The following MCF2L variants were observed in gnomAD, a reference collection of about 807,000 sequenced individuals.
The protein encoded by MCF2L is MCF.2 cell line derived transforming sequence like.
A neutral mutation model predicts 153.4 loss-of-function variants in MCF2L; 97 were observed. That is an observed-to-expected ratio of 0.63 (90% CI 0.54 to 0.75). The LOEUF (loss-of-function observed/expected upper bound fraction) is 0.75. Among genes scored for constraint, MCF2L ranks in the 30% least tolerant of loss-of-function variants. The pLI is 0.00. For missense variants in MCF2L, 1,347 were observed against 1,495.2 expected (o/e 0.90, Z 1.64); for synonymous variants, 659 against 632.2 (o/e 1.04, Z -0.64).
intron 2 of MCF2L, among the ~76,000 whole-genome samples, chr13:113,020,011 C>G (rs112495612): frequency 3.3e-5 from 5 of 152,152 alleles, no homozygotes; most frequent in South Asian, 2.1e-4. Flanking sequence ...TGTGAAAATG[C>G]GAGCCATAAA....
intron 1 of MCF2L, among the ~76,000 whole-genome samples, chr13:112,975,856 G>A (rs543422628): frequency 6.6e-6 from 1 of 152,168 alleles, no homozygotes; most frequent in African/African-American, 2.4e-5. Context: ...AGATGCCCAC[G>A]GTCGCAGAGA....
At chr13:112,984,592 A>G (rs1371231328) in intron 1 of MCF2L, among the ~76,000 whole-genome samples, 2 of 152,208 alleles carry the variant, frequency 1.3e-5, no homozygotes, top group African/African-American at 4.8e-5. Flanking sequence ...TTTCAAACAG[A>G]ATCAGGATTC....
In MCF2L at chr13:112,985,904, G is replaced by A. The variant is rs2082619232; in HGVS notation, c.79+16446G>A. Among the ~76,000 whole-genome samples the A allele has an allele frequency of 3.9e-5, 6 of 152,180 alleles. No homozygotes were observed. In the South Asian group the frequency reaches 1.2e-3, roughly 32 times the overall value. On this transcript the variant is annotated intron_variant, in intron 1 of 29. Coordinates refer to ENST00000535094, the MANE Select transcript of MCF2L (RefSeq NM_001112732.3). The stretch of plus-strand genomic sequence containing the variant: ...CCTTGACCATGGGACACCCGGTGAC[G>A]TGCCTGAGGATCGGCCCCGGCACAC...
chr13:113,063,960 C>G (rs925407256), intron 5 of MCF2L: 8 of 416,992 alleles, frequency 1.9e-5, no homozygotes, highest in African/African-American at 2.0e-5. Flanking sequence ...ATGGATGACC[C>G]GTGAGGTCGG....
intron 1 of MCF2L, chr13:112,985,604 T>C (rs1365530808): frequency 2.7e-6 from 1 of 365,168 alleles, no homozygotes; most frequent in Non-Finnish European, 5.6e-6. Flanking sequence ...GGGCAGTCTG[T>C]GTCCCCTGTG....
intron 2 of MCF2L, among the ~76,000 whole-genome samples, chr13:112,955,353 A>G (rs1257766219): frequency 6.6e-6 from 1 of 152,206 alleles, no homozygotes; most frequent in Non-Finnish European, 1.5e-5. Context: ...AAACGGAGAC[A>G]TGGGAGCCGC....
At chr13:112,967,003 C>T (rs2081901418), upstream of MCF2L, among the ~76,000 whole-genome samples, 1 of 152,178 alleles carries the variant, frequency 6.6e-6, no homozygotes, top group African/African-American at 2.4e-5. Flanking sequence ...ACCTGCATGC[C>T]AGGAGAGCGG....
At chr13:113,013,839 G>A (rs928180223) in intron 1 of MCF2L, among the ~76,000 whole-genome samples, 6 of 152,218 alleles carry the variant, frequency 3.9e-5, no homozygotes, top group Admixed American at 6.5e-5. Context: ...CCTGGCAGCC[G>A]CTCTGTAGCA....
At chr13:113,038,400 G>A (rs2086274609) in intron 3 of MCF2L, among the ~76,000 whole-genome samples, 1 of 150,612 alleles carries the variant, frequency 6.6e-6, no homozygotes, top group South Asian at 2.1e-4. Context: ...GGAAGGCGGA[G>A]CTTGCAGTGA....
At chr13:113,091,910 G>A (rs1009597837) in intron 26 of MCF2L, among the ~76,000 whole-genome samples, 3 of 152,100 alleles carry the variant, frequency 2.0e-5, no homozygotes, top group African/African-American at 4.8e-5. Context: ...CATTCCGCCC[G>A]CCTCCACAGC....
intron 27 of MCF2L, chr13:113,095,280 G>C (rs1414933059): frequency 1.7e-6 from 2 of 1,187,140 alleles, no homozygotes; most frequent in African/African-American, 1.6e-5. Context: ...GGTGCAAAGG[G>C]GACAGGTCCC....
chr13:113,032,924 T>A (rs1473503478), intron 3 of MCF2L, among the ~76,000 whole-genome samples: 1 of 152,164 alleles, frequency 6.6e-6, no homozygotes, highest in Non-Finnish European at 1.5e-5. Context: ...CCTGGTGTGC[T>A]CACTTGGGCT....
At chr13:113,051,881 C>A (rs1280615205) in intron 4 of MCF2L, among the ~76,000 whole-genome samples, 1 of 152,086 alleles carries the variant, frequency 6.6e-6, no homozygotes, top group Non-Finnish European at 1.5e-5. Context: ...CCACGACAGC[C>A]CGTTAATCCG....
chr13:113,014,362 G>A (rs1002371094), intron 1 of MCF2L, among the ~76,000 whole-genome samples: 4 of 152,182 alleles, frequency 2.6e-5, no homozygotes, highest in South Asian at 4.1e-4. Flanking sequence ...CAACAGGTGC[G>A]GGGCAGGGGT....
intron 5 of MCF2L, among the ~76,000 whole-genome samples, chr13:113,061,724 T>TTCCCCTCCCTTCCCTCTCCCCC: frequency 3.7e-5 from 1 of 27,090 alleles, no homozygotes; most frequent in Admixed American, 4.7e-4. Flanking sequence ...CCCTCCCCCT[T>TTCCCCTCCCTTCCCTCTCCCCC]GCCCTCCCCT....
chr13:113,055,735 C>T (rs1039914794), intron 4 of MCF2L, among the ~76,000 whole-genome samples: 3 of 152,210 alleles, frequency 2.0e-5, no homozygotes, highest in Non-Finnish European at 4.4e-5. Flanking sequence ...GCTCAGCTCA[C>T]GATTCCCTGC....
chr13:113,070,140 G>A lies in MCF2L; in HGVS notation c.963G>A (p.Leu321=), dbSNP rs747446466. 12 of 1,605,126 alleles carry A rather than the reference G, an allele frequency of 7.5e-6. No individual in the cohort carries two copies. The Admixed American group carries it at 2.1e-4, about 28-fold the overall frequency. Residue 321 remains leucine, a synonymous_variant, in exon 9 of 30, where the codon CTG becomes CTA. Transcript: ENST00000535094. This position sits in a 1 kb window ranked among gnomAD's most constrained non-coding sequence, Gnocchi z 5.6. The part of the protein sequence containing the change: ...AKHQQKLEQC[L]QLRHFEQGFR... ...ATCAGCAGAAACTGGAGCAGTGTCT[G>A]CAGCTCCGGCACTTTGAGCAGGGCT... is the stretch of plus-strand genomic sequence containing the variant.
intron 5 of MCF2L, among the ~76,000 whole-genome samples, chr13:113,063,377 G>A (rs1326728806): frequency 9.9e-5 from 15 of 151,310 alleles, no homozygotes; most frequent in South Asian, 2.1e-4. Flanking sequence ...GCGTTCAGGC[G>A]TCCCTGTCCA....
At chr13:112,897,619 T>G (rs1351461016) in intron 1 of MCF2L, among the ~76,000 whole-genome samples, 1 of 152,226 alleles carries the variant, frequency 6.6e-6, no homozygotes, top group African/African-American at 2.4e-5. Flanking sequence ...TCCATCATGA[T>G]GTAAGGAAAT....
Sources: gnomAD v4.1 joint callset for allele counts (sites outside exome capture counted in the v4.1 genomes callset) on GRCh38, gnomAD v4.1.1 for gene constraint, Gnocchi (gnomAD v3.1) non-coding constraint, MANE v1.5 for transcripts, NCBI Gene and HGNC (gene_info 2026-07-23, HGNC 2026-07-21) for gene names.